The following CAND1 variants were observed in gnomAD, a reference collection of about 807,000 sequenced individuals.
CAND1 encodes cullin-associated NEDD8-dissociated protein 1.
CAND1 carries 7 observed loss-of-function variants against 108.5 expected under a neutral mutation model. That is an observed-to-expected ratio of 0.06 (90% CI 0.04 to 0.12). The LOEUF is 0.12. CAND1 is among the 10% of genes least tolerant of loss of function. The probability of loss-of-function intolerance (pLI) is 1.00; values close to 1 mark genes in which losing one functional copy is unlikely to be tolerated. For synonymous variants in CAND1, 534 were observed against 512.0 expected (o/e 1.04, Z -0.58); for missense variants, 941 against 1,448.7 (o/e 0.65, Z 5.69).
chr12:67,276,723 A>G (rs1344725685), intron 1 of CAND1, among the ~76,000 whole-genome samples: 1 of 152,240 alleles, frequency 6.6e-6, no homozygotes, highest in Non-Finnish European at 1.5e-5. Context: ...CAAGAAAACA[A>G]TATGCCTTAG....
rs2044888154 is a variant in CAND1, at chr12:67,306,565, T to C, written c.2897T>C (p.Leu966Pro). The C allele has an allele frequency of 6.2e-7, 1 of 1,613,446 alleles. No homozygotes were observed. Among genetic ancestry groups the C allele is most frequent in the African/African-American group, 1.3e-5 (1 of 74,916 alleles). Reference protein sequence around the residue: ...GKLTLIDPETLLPRLKGYLIS... With the variant: ...GKLTLIDPETPLPRLKGYLIS... ...CTCACTCTAATTGATCCAGAAACTC[T>C]CCTTCCACGGCTTAAGGGGTACTTG... The change falls in exon 10 of 15, where the codon CTC becomes CCC. Residue 966 changes from leucine (L) to proline (P), a missense_variant. Physicochemically the swap from Leu to Pro is moderately conservative, Grantham distance 98. This residue lies in a region of CAND1 where 106 missense variants were observed against 182.0 expected (regional missense o/e 0.58). Coordinates refer to ENST00000545606, the MANE Select transcript of CAND1 (RefSeq NM_018448.5).
At position 67,299,045 on chromosome 12, in the gene CAND1, A is replaced by G; in HGVS notation, c.950A>G (p.Asp317Gly). Reference sequence around the variant, plus strand: ...CCAAATTATAATTACGATGATGAAGATGAAGATGAAAATGCAATGGATGCT... The same window carrying G: ...CCAAATTATAATTACGATGATGAAGGTGAAGATGAAAATGCAATGGATGCT... ...YDPNYNYDDE[D>G]EDENAMDADG... Residue 317 changes from aspartate (D) to glycine (G), a missense_variant, in exon 7 of 15, where the codon GAT becomes GGT. Around this residue, in one of 9 missense-constraint regions of CAND1, gnomAD observed 697 missense variants for 942.0 expected, o/e 0.74. Coordinates refer to ENST00000545606, the MANE Select transcript of CAND1 (RefSeq NM_018448.5). 6.7e-7 allele frequency: 1 copy of G among 1,496,180 alleles called. No individual in the cohort carries two copies. The highest frequency in any genetic ancestry group is 9.3e-7 in the Non-Finnish European group (1 of 1,077,242). The allele number at this position is 1,496,180 out of a possible 1,614,324, so 92.7% of individuals were successfully genotyped here.
chr12:67,274,075 A>G (rs1327638032), intron 1 of CAND1, among the ~76,000 whole-genome samples: 4 of 152,156 alleles, frequency 2.6e-5, no homozygotes, highest in Non-Finnish European at 5.9e-5. Flanking sequence ...CCACCCAGCT[A>G]TGTCACTTCT....
Position 67,318,751 on chromosome 12 carries a change from T to G in CAND1, c.*5921T>G, listed in dbSNP as rs769328343. ...AAAGCTGTTGAGACTGTACTTGATA[T>G]GAAGAAGCTTGCTGATTATCATGGG... On this transcript the variant is annotated 3_prime_UTR_variant, in exon 15 of 15. Coordinates refer to ENST00000545606, the MANE Select transcript of CAND1 (RefSeq NM_018448.5). 2.0e-5 allele frequency: 3 copies of G among 152,190 alleles called. No individual in the cohort carries two copies. The highest frequency in any genetic ancestry group is 2.9e-5 in the Non-Finnish European group (2 of 68,058). 9.4% of individuals were successfully genotyped at this position (152,190 alleles called of 1,614,324 possible).
At chr12:67,270,063 A>G in intron 1 of CAND1, 1 of 425,560 alleles carries the variant, frequency 2.3e-6, no homozygotes, top group Non-Finnish European at 4.1e-6. Context: ...TCCCTGCCCC[A>G]CCAGGAGGCG....
At chr12:67,272,620 G>C (rs1288559000) in intron 1 of CAND1, among the ~76,000 whole-genome samples, 1 of 152,174 alleles carries the variant, frequency 6.6e-6, no homozygotes, top group African/African-American at 2.4e-5. Flanking sequence ...AGGAGAAATG[G>C]GGAAGCATTA....
chr12:67,303,990 CTCT>C, intron 8 of CAND1, among the ~76,000 whole-genome samples: 5 of 148,808 alleles, frequency 3.4e-5, no homozygotes, highest in African/African-American at 1.2e-4. Flanking sequence ...TTCTTTCTTT[CTCT>C]TTTTTTTTTT....
In CAND1 at chr12:67,292,358, G is replaced by A. The variant is rs2044730395; in HGVS notation, c.213-264G>A. Reference sequence around the variant, plus strand: ...ATATTTGTCAACTAATTAGCTTTAGGGGTATGACGTGGGGTATGATACGGA... The same window carrying A: ...ATATTTGTCAACTAATTAGCTTTAGAGGTATGACGTGGGGTATGATACGGA... On this transcript the variant is annotated intron_variant, in intron 2 of 14. Transcript: ENST00000545606. Among the ~76,000 whole-genome samples, 5 of 152,026 alleles carry A rather than the reference G, an allele frequency of 3.3e-5. No homozygotes were observed. The South Asian group carries it at 1.0e-3, about 32-fold the overall frequency.
chr12:67,277,318 T>C (rs1261963630), intron 1 of CAND1, among the ~76,000 whole-genome samples: 1 of 152,226 alleles, frequency 6.6e-6, no homozygotes, highest in Non-Finnish European at 1.5e-5. Context: ...TTTAATCAGT[T>C]GATGAGTTTG....
chr12:67,305,687 C>T lies in CAND1; in HGVS notation c.2019C>T (p.Ala673=), dbSNP rs201768363. 49 of 1,613,928 alleles carry T rather than the reference C, an allele frequency of 3.0e-5. No homozygotes were observed. The East Asian group carries it at 1.0e-3, about 34-fold the overall frequency. ...CTTTGAAACTGGGTACTCTTTCTGCCCTTGATATTCTAATAAAAAACTATA... is the reference window on the plus strand; with the variant it reads ...CTTTGAAACTGGGTACTCTTTCTGCTCTTGATATTCTAATAAAAAACTATA... ...QRALKLGTLS[A]LDILIKNYSD... The change falls in exon 10 of 15, where the codon GCC becomes GCT. Residue 673 remains alanine, a synonymous_variant. Coordinates refer to ENST00000545606, the MANE Select transcript of CAND1 (RefSeq NM_018448.5). This position sits in a 1 kb window ranked among gnomAD's most constrained non-coding sequence, Gnocchi z 4.4.
At chr12:67,279,560 T>C (rs2044601257) in intron 1 of CAND1, among the ~76,000 whole-genome samples, 1 of 152,198 alleles carries the variant, frequency 6.6e-6, no homozygotes, top group Admixed American at 6.5e-5. Flanking sequence ...AAATATCTAT[T>C]GCTAATTTTG....
intron 7 of CAND1, among the ~76,000 whole-genome samples, chr12:67,300,289 A>C (rs2044812065): frequency 6.6e-6 from 1 of 151,940 alleles, no homozygotes; most frequent in Non-Finnish European, 1.5e-5. Flanking sequence ...TTAACCTGTT[A>C]TACTGTTGAT....
At position 67,311,759 on chromosome 12, in the gene CAND1, G is replaced by A; in HGVS notation, c.3427G>A (p.Asp1143Asn). The A allele has an allele frequency of 6.2e-7, 1 of 1,612,324 alleles. No homozygotes were observed. Among genetic ancestry groups the A allele is most frequent in the Non-Finnish European group, 8.5e-7 (1 of 1,178,516 alleles). Reference protein sequence around the residue: ...LCPSAVLQRLDRLVEPLRATC... With the variant: ...LCPSAVLQRLNRLVEPLRATC... Reference sequence around the variant, plus strand: ...TCCAAGTGCAGTACTGCAGAGGTTGGACCGACTTGTTGAGCCATTACGTGC... The same window carrying A: ...TCCAAGTGCAGTACTGCAGAGGTTGAACCGACTTGTTGAGCCATTACGTGC... The change falls in exon 14 of 15, where the codon GAC becomes AAC. Residue 1143 changes from aspartate (D) to asparagine (N), a missense_variant. Transcript: ENST00000545606.
intron 1 of CAND1, among the ~76,000 whole-genome samples, chr12:67,278,123 A>G (rs2044586736): frequency 6.6e-6 from 1 of 152,042 alleles, no homozygotes; most frequent in Non-Finnish European, 1.5e-5. Flanking sequence ...CTCCTGCTTC[A>G]CCGTAATTTT....
chr12:67,311,886 A>G, intron 14 of CAND1, 86 bp downstream of exon 14: 3 of 779,458 alleles, frequency 3.8e-6, no homozygotes, highest in Non-Finnish European at 6.9e-6. Context: ...TCCAAATATA[A>G]CTATTCCAGT....
intron 6 of CAND1, among the ~76,000 whole-genome samples, chr12:67,298,527 C>T (rs2044791552): frequency 6.6e-6 from 1 of 152,086 alleles, no homozygotes; most frequent in South Asian, 2.1e-4. Flanking sequence ...TATTTGCTGG[C>T]CCTGTGGGCA....
At chr12:67,308,831 A>G (rs1037659751) in intron 11 of CAND1, among the ~76,000 whole-genome samples, 1 of 151,690 alleles carries the variant, frequency 6.6e-6, no homozygotes, top group African/African-American at 2.4e-5. Flanking sequence ...TTTTTTTTAA[A>G]TCAGTGCTGG....
At chr12:67,272,806 C>T (rs1343358687) in intron 1 of CAND1, among the ~76,000 whole-genome samples, 1 of 152,122 alleles carries the variant, frequency 6.6e-6, no homozygotes, top group Admixed American at 6.5e-5. Context: ...AAGCAACTCC[C>T]TTGCCTCAGC....
rs1423463246 is a variant in CAND1, at chr12:67,313,540, AAC to A, written c.*714_*715del. On this transcript the variant is annotated 3_prime_UTR_variant, in exon 15 of 15. Coordinates refer to ENST00000545606, the MANE Select transcript of CAND1 (RefSeq NM_018448.5). ...TTCAGATATTTATTTTTGCACAGAA[AAC>A]ACATTATCTGGAGAGAAAGAAAGGA... The A allele has an allele frequency of 6.6e-6, 1 of 152,618 alleles. No homozygotes were observed. Among genetic ancestry groups the A allele is most frequent in the Non-Finnish European group, 1.5e-5 (1 of 68,020 alleles). The allele number at this position is 152,618 out of a possible 1,614,324, so 9.5% of individuals were successfully genotyped here.
Sources: gnomAD v4.1 joint callset for allele counts (sites outside exome capture counted in the v4.1 genomes callset) on GRCh38, gnomAD v4.1.1 for gene constraint, gnomAD v4.1.1 regional missense constraint, Gnocchi (gnomAD v3.1) non-coding constraint, MANE v1.5 for transcripts, NCBI Gene and HGNC (gene_info 2026-07-23, HGNC 2026-07-21) for gene names.